The following CNTN4 variants were observed in gnomAD, a reference collection of about 807,000 sequenced individuals.
CNTN4 encodes contactin 4.
A neutral mutation model predicts 122.5 loss-of-function variants in CNTN4; 77 were observed. That is an observed-to-expected ratio of 0.63 (90% CI 0.52 to 0.76). The LOEUF (loss-of-function observed/expected upper bound fraction) is 0.76. CNTN4 is among the 30% of genes least tolerant of loss of function. The probability of loss-of-function intolerance (pLI) is 0.00; values close to 1 mark genes in which losing one functional copy is unlikely to be tolerated. For synonymous variants in CNTN4, 512 were observed against 447.0 expected, an observed-to-expected ratio of 1.15 and a Z score of -1.83; for missense variants, 1,256 against 1,259.1, an observed-to-expected ratio of 1.00 and a Z score of 0.04.
chr3:2,428,258 G>C (rs1025428765), intron 3 of CNTN4, among the ~76,000 whole-genome samples: 1 of 152,160 alleles, frequency 6.6e-6, no homozygotes, highest in Admixed American at 6.5e-5. Context: ...CTCTTGTAAG[G>C]CAGGCCTGGT....
At chr3:2,120,405 A>ATATATAT (rs1428527983) in intron 2 of CNTN4, among the ~76,000 whole-genome samples, 7 of 40,868 alleles carry the variant, frequency 1.7e-4, no homozygotes, top group South Asian at 1.9e-3. Flanking sequence ...ATATATATAT[A>ATATATAT]TTTTTTTTTT....
At chr3:2,430,870 A>G (rs1243926168) in intron 3 of CNTN4, among the ~76,000 whole-genome samples, 1 of 152,192 alleles carries the variant, frequency 6.6e-6, no homozygotes, top group African/African-American at 2.4e-5. Flanking sequence ...AAATTATGCA[A>G]CAGACTTATC....
intron 2 of CNTN4, among the ~76,000 whole-genome samples, chr3:2,287,462 C>T (rs775290614): frequency 1.3e-5 from 2 of 151,728 alleles, no homozygotes; most frequent in African/African-American, 2.4e-5. Context: ...ATTAGCAGGG[C>T]ATGGTGGTGC....
intron 2 of CNTN4, among the ~76,000 whole-genome samples, chr3:2,194,635 T>A (rs2037749936): frequency 6.6e-6 from 1 of 152,192 alleles, no homozygotes; most frequent in Non-Finnish European, 1.5e-5. Flanking sequence ...ATTTACATAA[T>A]GTCATACTGG....
At chr3:2,363,671 C>G (rs1388003255) in intron 3 of CNTN4, among the ~76,000 whole-genome samples, 10 of 152,292 alleles carry the variant, frequency 6.6e-5, no homozygotes, top group African/African-American at 1.7e-4. Flanking sequence ...TCACTGCACT[C>G]TGATACTGTC....
At chr3:2,193,617 G>C (rs915102169) in intron 2 of CNTN4, among the ~76,000 whole-genome samples, 2 of 152,142 alleles carry the variant, frequency 1.3e-5, no homozygotes, top group African/African-American at 2.4e-5. Flanking sequence ...CAGCAGATTA[G>C]ATAACATTTC....
intron 7 of CNTN4, among the ~76,000 whole-genome samples, chr3:2,829,029 G>A (rs1158638836): frequency 2.0e-5 from 3 of 152,040 alleles, no homozygotes; most frequent in Admixed American, 6.6e-5. Context: ...ATGAGCCACC[G>A]TGCCCATCCA....
intron 7 of CNTN4, among the ~76,000 whole-genome samples, chr3:2,835,436 A>G (rs1472212124): frequency 1.3e-5 from 2 of 152,198 alleles, no homozygotes; most frequent in Non-Finnish European, 2.9e-5. Context: ...CTTAATGTAA[A>G]CATACATACT....
chr3:2,227,452 C>T (rs1218546784), intron 2 of CNTN4, among the ~76,000 whole-genome samples: 1 of 152,142 alleles, frequency 6.6e-6, no homozygotes, highest in Non-Finnish European at 1.5e-5. Flanking sequence ...TCATTTTGCA[C>T]ATAATCCAGC....
intron 8 of CNTN4, among the ~76,000 whole-genome samples, chr3:2,876,391 AG>A (rs1305967263): frequency 6.6e-6 from 1 of 152,190 alleles, no homozygotes; most frequent in Non-Finnish European, 1.5e-5. Flanking sequence ...AAATGTTTTT[AG>A]GTTAGTGATA....
chr3:2,365,499 T>C (rs753351007), intron 3 of CNTN4, among the ~76,000 whole-genome samples: 7 of 152,220 alleles, frequency 4.6e-5, no homozygotes, highest in Non-Finnish European at 8.8e-5. Flanking sequence ...AACTCTGTTC[T>C]ACACAGTTAA....
intron 4 of CNTN4, among the ~76,000 whole-genome samples, chr3:2,577,339 A>AATAG (rs1182954263): frequency 6.6e-6 from 1 of 152,184 alleles, no homozygotes; most frequent in Non-Finnish European, 1.5e-5. Context: ...TGTATGTATT[A>AATAG]ATAGATCTAT....
chr3:2,715,066 A>G (rs2087408627), intron 4 of CNTN4, among the ~76,000 whole-genome samples: 1 of 152,146 alleles, frequency 6.6e-6, no homozygotes, highest in Non-Finnish European at 1.5e-5. Context: ...AAGGTTGTTG[A>G]TATCTCTTGT....
At chr3:2,260,214 A>C (rs1407722607) in intron 2 of CNTN4, among the ~76,000 whole-genome samples, 1 of 151,952 alleles carries the variant, frequency 6.6e-6, no homozygotes. Flanking sequence ...GCCCATTGAT[A>C]TTTTGGGCCA....
At chr3:2,815,424 G>C (rs1468027611) in intron 6 of CNTN4, among the ~76,000 whole-genome samples, 1 of 152,094 alleles carries the variant, frequency 6.6e-6, no homozygotes, top group South Asian at 2.1e-4. Context: ...TCAAAAAAGT[G>C]GACTAAGGAC....
intron 3 of CNTN4, among the ~76,000 whole-genome samples, chr3:2,371,713 T>G (rs562030834): frequency 1.3e-5 from 2 of 152,332 alleles, no homozygotes; most frequent in South Asian, 4.1e-4. Flanking sequence ...CATATATTTT[T>G]GAATGAATGA....
chr3:2,677,204 T>TA (rs2084904622), intron 4 of CNTN4, among the ~76,000 whole-genome samples: 1 of 150,076 alleles, frequency 6.7e-6, no homozygotes, highest in South Asian at 2.1e-4. Context: ...TCTCTCTCTA[T>TA]ATATGTATAT....
intron 4 of CNTN4, among the ~76,000 whole-genome samples, chr3:2,620,355 C>T (rs2081946481): frequency 6.6e-6 from 1 of 151,886 alleles, no homozygotes; most frequent in Admixed American, 6.6e-5. Context: ...AAAAAATAAG[C>T]CAGGCATGGT....
At chr3:2,498,638 G>A (rs1252265615) in intron 3 of CNTN4, among the ~76,000 whole-genome samples, 3 of 151,786 alleles carry the variant, frequency 2.0e-5, no homozygotes, top group African/African-American at 7.3e-5. Context: ...ATGCCACCAC[G>A]CCCAGCTAAT....
Sources: allele counts gnomAD v4.1 joint callset (sites outside exome capture counted in the v4.1 genomes callset), GRCh38; gene constraint gnomAD v4.1.1; transcripts MANE v1.5; gene names NCBI Gene and HGNC (gene_info 2026-07-23, HGNC 2026-07-21).